The following PLXDC2 variants were observed in gnomAD, a reference collection of about 807,000 sequenced individuals.
The protein encoded by PLXDC2 is plexin domain containing 2.
Under a neutral mutation model 68.9 loss-of-function variants are expected in PLXDC2, and 40 were observed. That is an observed-to-expected ratio of 0.58 (90% CI 0.45 to 0.76). The LOEUF (loss-of-function observed/expected upper bound fraction) is 0.76, where lower values mean the gene tolerates loss of function less well. Ranked by LOEUF, PLXDC2 falls within the 30% of genes least tolerant of loss-of-function variation. PLXDC2 has a pLI of 0.00. For synonymous variants in PLXDC2, 243 were observed against 234.2 expected, an observed-to-expected ratio of 1.04 and a Z score of -0.34; for missense variants, 644 against 661.9, an observed-to-expected ratio of 0.97 and a Z score of 0.30.
chr10:19,912,202 A>T (rs1224744869), intron 1 of PLXDC2, among the ~76,000 whole-genome samples: 2 of 152,104 alleles, frequency 1.3e-5, no homozygotes, highest in Admixed American at 1.3e-4. Context: ...GCTTTATCTT[A>T]GTGGGTTTTT....
chr10:20,179,462 G>A (rs1589667739), intron 9 of PLXDC2, among the ~76,000 whole-genome samples: 1 of 151,904 alleles, frequency 6.6e-6, no homozygotes, highest in East Asian at 1.9e-4. Flanking sequence ...AGCACAAAGG[G>A]TTTCCCAAGA....
At chr10:20,176,778 C>G (rs935505191) in intron 7 of PLXDC2, among the ~76,000 whole-genome samples, 6 of 152,064 alleles carry the variant, frequency 3.9e-5, no homozygotes, top group African/African-American at 9.7e-5. Context: ...AGTGAGATAT[C>G]TGAGACCCTA....
rs1836126295 is a variant in PLXDC2, at chr10:20,284,505, C to T, written c.*4686C>T. 6.7e-6 allele frequency: 1 copy of T among 150,242 alleles called. No individual in the cohort carries two copies. The allele number at this position is 150,242 out of a possible 1,614,324, so 9.3% of individuals were successfully genotyped here. On this transcript the variant is annotated 3_prime_UTR_variant, in exon 14 of 14. Coordinates refer to ENST00000377252, the MANE Select transcript of PLXDC2 (RefSeq NM_032812.9). ...TTTGGAGGCTGAAGTGTAAGAGTTG[C>T]TTGAGCCCATGAGTTAGAGGCTGCT...
At chr10:19,955,200 AT>A (rs11418538) in intron 1 of PLXDC2, among the ~76,000 whole-genome samples, 343 of 132,734 alleles carry the variant, frequency 2.6e-3, no homozygotes, top group Middle Eastern at 8.2e-3. Context: ...TCATTTTTCA[AT>A]TTTTTTTTTT....
intron 4 of PLXDC2, among the ~76,000 whole-genome samples, chr10:20,113,009 T>C (rs568294311): frequency 6.8e-4 from 104 of 152,370 alleles, no homozygotes; most frequent in African/African-American, 2.5e-3. Flanking sequence ...CTTCATCTTA[T>C]CAGGTACAGA....
intron 4 of PLXDC2, among the ~76,000 whole-genome samples, chr10:20,133,266 T>G (rs11011821): frequency 0.034 from 5,191 of 152,296 alleles, 302 homozygotes; most frequent in African/African-American, 0.12. Context: ...TAAGAATAGC[T>G]GAGTGTGATT....
chr10:20,165,219 A>G (rs1490121381), intron 7 of PLXDC2, among the ~76,000 whole-genome samples: 1 of 151,964 alleles, frequency 6.6e-6, no homozygotes, highest in African/African-American at 2.4e-5. Context: ...ATGACTTTTC[A>G]TATATGTTTG....
At position 20,147,880 on chromosome 10, in the gene PLXDC2, G is replaced by T; in HGVS notation, c.761G>T (p.Arg254Leu). The part of the protein sequence containing the change: ...TFQATLLMDG[R>L]IIFGYKEIPV... ...CAGGCAACCCTGCTCATGGATGGAC[G>T]AATCATCTTTGGATACAAAGAAGTA... is the stretch of plus-strand genomic sequence containing the variant. Residue 254 changes from arginine to leucine, a missense_variant, in exon 6 of 14, where the codon CGA (arginine) becomes CTA (leucine). Arg to Leu is a moderately radical substitution (Grantham distance 102, BLOSUM62 -2). Around this residue, in one of 3 missense-constraint regions of PLXDC2, gnomAD observed 113 missense variants for 167.1 expected, o/e 0.68. Transcript: ENST00000377252. 1 of 1,607,180 alleles carries T rather than the reference G, an allele frequency of 6.2e-7. No individual in the cohort carries two copies. The highest frequency in any genetic ancestry group is 8.5e-7 in the Non-Finnish European group (1 of 1,173,748).
rs201019114 is a variant in PLXDC2, at chr10:20,026,225, TG to T, written c.325-20642del. ...ATAAGCAGCATAAATGCAGAGACTATGGTTTTTTTTTTATATTGCTGGCTAT... is the reference window on the plus strand; with the variant it reads ...ATAAGCAGCATAAATGCAGAGACTATGTTTTTTTTTTATATTGCTGGCTAT... On this transcript the variant is annotated intron_variant, in intron 2 of 13. Transcript: ENST00000377252. Among the ~76,000 whole-genome samples, 139 of 151,788 alleles carry T rather than the reference TG, an allele frequency of 9.2e-4. 1 individual carries two copies. Among genetic ancestry groups the T allele is most frequent in the Middle Eastern group, 6.9e-3 (2 of 290 alleles).
chr10:20,017,994 TA>T (rs1171820160), intron 2 of PLXDC2, among the ~76,000 whole-genome samples: 1 of 152,206 alleles, frequency 6.6e-6, no homozygotes, highest in Non-Finnish European at 1.5e-5. Flanking sequence ...TGTGGAGGAT[TA>T]GGGGCATGTA....
chr10:20,086,867 A>G lies in PLXDC2; in HGVS notation c.541+18628A>G, dbSNP rs531020771. 1.0e-3 allele frequency among the ~76,000 whole-genome samples: 152 copies of G among 152,330 alleles called. 2 individuals are homozygous for G. The highest frequency in any genetic ancestry group is 3.4e-3 in the Middle Eastern group (1 of 294). ...TGCCAATCTGAATAACTGTTGTGCCACTTATACATGGCTTGTATTAAAAGC... is the reference window on the plus strand; with the variant it reads ...TGCCAATCTGAATAACTGTTGTGCCGCTTATACATGGCTTGTATTAAAAGC... On this transcript the variant is annotated intron_variant, in intron 4 of 13. Coordinates refer to ENST00000377252, the MANE Select transcript of PLXDC2 (RefSeq NM_032812.9).
At chr10:19,954,673 A>ATCTATTTCCATT (rs1834040372) in intron 1 of PLXDC2, among the ~76,000 whole-genome samples, 1 of 152,208 alleles carries the variant, frequency 6.6e-6, no homozygotes, top group Non-Finnish European at 1.5e-5. Flanking sequence ...CCATTTATTG[A>ATCTATTTCCATT]TATTTTTAAC....
intron 1 of PLXDC2, among the ~76,000 whole-genome samples, chr10:19,933,524 C>T (rs1182441335): frequency 1.3e-5 from 2 of 152,002 alleles, no homozygotes; most frequent in Non-Finnish European, 2.9e-5. Context: ...ATCCCAGCTA[C>T]TCGGCAGGCT....
chr10:19,850,710 A>G (rs1364181480), intron 1 of PLXDC2, among the ~76,000 whole-genome samples: 2 of 152,178 alleles, frequency 1.3e-5, no homozygotes, highest in African/African-American at 2.4e-5. Flanking sequence ...TATCCTGTAC[A>G]CTGCACTTTA....
chr10:20,160,807 G>T (rs904800632), intron 6 of PLXDC2, among the ~76,000 whole-genome samples: 2 of 152,172 alleles, frequency 1.3e-5, no homozygotes, highest in African/African-American at 4.8e-5. Context: ...AATCTTTCAA[G>T]TTTAATTATA....
intron 1 of PLXDC2, among the ~76,000 whole-genome samples, chr10:19,994,755 G>T (rs71491168): frequency 0.22 from 33,375 of 149,632 alleles, 4,522 homozygotes; most frequent in Non-Finnish European, 0.32. Flanking sequence ...TTTTTTTTTT[G>T]TGTGTGTGAC....
At chr10:20,047,294 T>C (rs1835813989) in intron 3 of PLXDC2, among the ~76,000 whole-genome samples, 1 of 152,170 alleles carries the variant, frequency 6.6e-6, no homozygotes, top group Non-Finnish European at 1.5e-5. Context: ...GGATTCTAAA[T>C]TGAGCTTTAT....
chr10:20,256,286 T>A (rs1040459197), intron 13 of PLXDC2, among the ~76,000 whole-genome samples: 1 of 150,878 alleles, frequency 6.6e-6, no homozygotes, highest in African/African-American at 2.4e-5. Context: ...GCGCCCACCA[T>A]GACACCTGGC....
At chr10:19,957,872 GACAGTA>G (rs1834096106) in intron 1 of PLXDC2, among the ~76,000 whole-genome samples, 1 of 152,084 alleles carries the variant, frequency 6.6e-6, no homozygotes, top group Non-Finnish European at 1.5e-5. Context: ...AAGTTACTGG[GACAGTA>G]ACATTTATTC....
Sources: allele counts gnomAD v4.1 joint callset (sites outside exome capture counted in the v4.1 genomes callset), GRCh38; gene constraint gnomAD v4.1.1; regional missense constraint gnomAD v4.1.1; transcripts MANE v1.5; gene names NCBI Gene and HGNC (gene_info 2026-07-23, HGNC 2026-07-21).